HEATR4: variants seen among roughly 807,000 people sequenced by gnomAD.
HEATR4 encodes the protein HEAT repeat-containing protein 4.
Under a neutral mutation model 108.8 loss-of-function variants are expected in HEATR4, and 95 were observed. The ratio of observed to expected loss-of-function variants is 0.87; its 90% confidence interval spans 0.74 to 1.04. The LOEUF (loss-of-function observed/expected upper bound fraction) is 1.04, where lower values mean the gene tolerates loss of function less well. Among genes scored for constraint, HEATR4 ranks in the 50% least tolerant of loss-of-function variants. The pLI is 0.00. For synonymous variants in HEATR4, 443 were observed against 459.4 expected, an observed-to-expected ratio of 0.96 and a Z score of 0.46; for missense variants, 1,152 against 1,253.8, an observed-to-expected ratio of 0.92 and a Z score of 1.23.
chr14:73,528,392 C>CA (rs371875141), intron 2 of HEATR4, among the ~76,000 whole-genome samples: 6,880 of 88,374 alleles, frequency 0.078, 603 homozygotes, highest in African/African-American at 0.15. Context: ...AACTTCATCT[C>CA]AAAAAAAAAA....
chr14:73,595,457 G>A, the HEATR4 span: 1 of 1,614,078 alleles, frequency 6.2e-7, no homozygotes, highest in African/African-American at 1.3e-5. Flanking sequence ...CTGTTACCCT[G>A]GGACTGGGCA....
chr14:73,624,149 A>G, the HEATR4 span, among the ~76,000 whole-genome samples: 1 of 151,998 alleles, frequency 6.6e-6, no homozygotes, highest in Non-Finnish European at 1.5e-5. Flanking sequence ...TTGATACGGC[A>G]TCTTGCTCTG....
At chr14:73,576,726 G>C in the HEATR4 span, among the ~76,000 whole-genome samples, 1 of 143,156 alleles carries the variant, frequency 7.0e-6, no homozygotes, top group Non-Finnish European at 1.5e-5. Context: ...AGCCCTGGAG[G>C]CAGAGGTTGC....
At chr14:73,503,720 T>C (rs1319272889) in intron 10 of HEATR4, among the ~76,000 whole-genome samples, 1 of 152,214 alleles carries the variant, frequency 6.6e-6, no homozygotes, top group East Asian at 1.9e-4. Context: ...CACAACACCT[T>C]ATAGCTGCTT....
intron 2 of HEATR4, among the ~76,000 whole-genome samples, chr14:73,524,467 T>C (rs1888208251): frequency 6.6e-6 from 1 of 150,668 alleles, no homozygotes; most frequent in Non-Finnish European, 1.5e-5. Context: ...TTAATGTTAG[T>C]TTAGTTTTGT....
At position 73,491,734 on chromosome 14, in the gene HEATR4, G is replaced by C. The variant is rs34970526; in HGVS notation, c.2844+1332C>G. 2,153 of 1,553,836 alleles carry C rather than the reference G, an allele frequency of 1.4e-3. 29 individuals carry two copies. The African/African-American group carries it at 0.026, about 19-fold the overall frequency. ...GGCGGCAGGACCACACCTACTACCA[G>C]GGACTTTTCTCTACCGCTGACCTGG... On this transcript the variant is annotated intron_variant, in intron 17 of 17. Coordinates refer to ENST00000553558, the MANE Select transcript of HEATR4 (RefSeq NM_001220484.1).
chr14:73,525,791 A>G lies in HEATR4; in HGVS notation c.-72-2567T>C, dbSNP rs370983316. On this transcript the variant is annotated intron_variant, in intron 2 of 17. Transcript: ENST00000553558. ...AACATGGAGAAACCCCATCTCTACTAAAAATACAAAAATTAGCTGGGCGTG... is the reference window on the plus strand; with the variant it reads ...AACATGGAGAAACCCCATCTCTACTGAAAATACAAAAATTAGCTGGGCGTG... Among the ~76,000 whole-genome samples, 24 of 152,204 alleles carry G rather than the reference A, an allele frequency of 1.6e-4. No homozygotes were observed. The East Asian group carries it at 4.1e-3, about 26-fold the overall frequency.
intron 13 of HEATR4, 28 bp from the exon 14 acceptor site, chr14:73,498,372 C>T (rs775967465): frequency 6.5e-7 from 1 of 1,548,012 alleles, no homozygotes; most frequent in South Asian, 1.2e-5. Context: ...CAGCATGTCA[C>T]TGAAGACTGA....
chr14:73,495,464 T>G, intron 15 of HEATR4, 77 bp from the exon 16 acceptor site: 2 of 1,240,010 alleles, frequency 1.6e-6, no homozygotes, highest in Non-Finnish European at 2.3e-6. Context: ...AAAACATTAA[T>G]AAAGTGATTG....
At chr14:73,613,647 G>T in the HEATR4 span, among the ~76,000 whole-genome samples, 2 of 152,186 alleles carry the variant, frequency 1.3e-5, no homozygotes, top group Non-Finnish European at 2.9e-5. Flanking sequence ...GACATTTGTG[G>T]TTGTCATATC....
chr14:73,521,652 AT>A (rs1378543656), intron 3 of HEATR4, among the ~76,000 whole-genome samples: 5 of 152,210 alleles, frequency 3.3e-5, no homozygotes, highest in Admixed American at 6.5e-5. Context: ...CTAGCTATAA[AT>A]GAGATAGAAG....
At chr14:73,491,227 G>A in intron 17 of HEATR4, 2 of 1,591,154 alleles carry the variant, frequency 1.3e-6, no homozygotes, top group Non-Finnish European at 1.7e-6. Context: ...GGGTGGAGTC[G>A]ACGGCCGACG....
At chr14:73,583,958 G>A in the HEATR4 span, among the ~76,000 whole-genome samples, 21 of 151,884 alleles carry the variant, frequency 1.4e-4, no homozygotes, top group South Asian at 1.0e-3. Context: ...CTGAGACCAC[G>A]CCATTGCACT....
chr14:73,512,237 C>T lies in HEATR4; in HGVS notation c.1415-88G>A. On this transcript the variant is annotated intron_variant, in intron 6 of 17. Coordinates refer to ENST00000553558, the MANE Select transcript of HEATR4 (RefSeq NM_001220484.1). The stretch of plus-strand genomic sequence containing the variant: ...GGCAGGTGACAAGAAGTCTGCCCTT[C>T]ACCCAGAATAATTCAAGCAAAACAT... 6.2e-6 allele frequency: 9 copies of T among 1,452,044 alleles called. 1 individual carries two copies. In the South Asian group the frequency reaches 9.9e-5, roughly 16 times the overall value. The allele number at this position is 1,452,044 out of a possible 1,614,324, so 89.9% of individuals were successfully genotyped here. A position where few individuals can be genotyped will look rare whatever the true frequency, so the allele number is the denominator to read the frequency against.
the HEATR4 span, among the ~76,000 whole-genome samples, chr14:73,566,559 C>G: frequency 6.6e-6 from 1 of 152,214 alleles, no homozygotes; most frequent in African/African-American, 2.4e-5. Context: ...AGCACACCCT[C>G]CGCAGCCGCT....
At position 73,522,659 on chromosome 14, in the gene HEATR4, A is replaced by G. The variant is rs1284388364; in HGVS notation, c.494T>C (p.Ile165Thr). ...ATCTGGATGCATGCAGGGATGATGG[A>G]TGAGAGGGCGGGGTGCTTCCCGGAC... is the stretch of plus-strand genomic sequence containing the variant. ...STVREAPRPL[I>T]HHPCMHPDML... Residue 165 changes from isoleucine (I) to threonine (T), a missense_variant, in exon 3 of 18, where the codon ATC becomes ACC. Transcript: ENST00000553558. The G allele has an allele frequency of 1.2e-6, 2 of 1,614,068 alleles. No homozygotes were observed. Among genetic ancestry groups the G allele is most frequent in the Non-Finnish European group, 1.7e-6 (2 of 1,180,040 alleles).
At chr14:73,578,048 G>C in the HEATR4 span, among the ~76,000 whole-genome samples, 3 of 150,678 alleles carry the variant, frequency 2.0e-5, no homozygotes, top group Non-Finnish European at 4.4e-5. Context: ...ATGGAGTTTT[G>C]CCATGTTGGT....
the HEATR4 span, among the ~76,000 whole-genome samples, chr14:73,620,176 A>C: frequency 2.0e-5 from 3 of 152,012 alleles, no homozygotes; most frequent in African/African-American, 7.2e-5. Flanking sequence ...CAGCCTCCCA[A>C]AGTGCTGGGA....
chr14:73,496,882 G>GT (rs955392527), intron 14 of HEATR4, among the ~76,000 whole-genome samples: 5 of 152,116 alleles, frequency 3.3e-5, no homozygotes, highest in Non-Finnish European at 7.4e-5. Flanking sequence ...ATATTTGTGG[G>GT]TTTTTTGTTT....
Sources: gnomAD v4.1 joint callset for allele counts (sites outside exome capture counted in the v4.1 genomes callset) on GRCh38, gnomAD v4.1.1 for gene constraint, MANE v1.5 for transcripts, NCBI Gene and HGNC (gene_info 2026-07-23, HGNC 2026-07-21) for gene names.